AXL: variants seen among roughly 807,000 people sequenced by gnomAD.
AXL encodes the protein tyrosine-protein kinase receptor UFO.
A neutral mutation model predicts 104.5 loss-of-function variants in AXL; 52 were observed. The observed-to-expected ratio is 0.50, with a 90% CI of 0.40 to 0.63. The LOEUF (loss-of-function observed/expected upper bound fraction) is 0.63. AXL is among the 20% of genes least tolerant of loss of function. The pLI is 0.00. For missense variants in AXL, 1,024 were observed against 1,188.5 expected, an observed-to-expected ratio of 0.86 and a Z score of 2.04; for synonymous variants, 455 against 473.7, an observed-to-expected ratio of 0.96 and a Z score of 0.51.
intron 1 of AXL, chr19:41,220,372 C>T (rs2033767133): frequency 4.6e-6 from 2 of 438,756 alleles, no homozygotes; most frequent in Non-Finnish European, 8.3e-6. Flanking sequence ...CTGGCCCTGC[C>T]AGGCAGTGCA....
intron 12 of AXL, among the ~76,000 whole-genome samples, chr19:41,246,519 T>A (rs543790398): frequency 6.7e-6 from 1 of 150,008 alleles, no homozygotes; most frequent in East Asian, 1.9e-4. Context: ...GTGGGCAACA[T>A]GGCAAAACCC....
chr19:41,258,914 A>T (rs537556469), intron 19 of AXL, among the ~76,000 whole-genome samples: 3 of 152,370 alleles, frequency 2.0e-5, no homozygotes, highest in African/African-American at 7.2e-5. Flanking sequence ...GGCTGCAGTC[A>T]TCTGAAGGTT....
At chr19:41,231,672 A>T (rs2033990969) in intron 6 of AXL, among the ~76,000 whole-genome samples, 1 of 152,190 alleles carries the variant, frequency 6.6e-6, no homozygotes, top group Non-Finnish European at 1.5e-5. Flanking sequence ...CACACCTGTA[A>T]TCCCAGCACT....
chr19:41,242,758 C>A, intron 10 of AXL, 125 bp from the exon 11 acceptor site: 3 of 1,247,316 alleles, frequency 2.4e-6, no homozygotes, highest in East Asian at 2.3e-5. Context: ...ATCCATCACA[C>A]ACCTCATCAA....
chr19:41,239,800 C>A, intron 10 of AXL, 80 bp downstream of exon 10: 2 of 1,549,246 alleles, frequency 1.3e-6, no homozygotes, highest in Non-Finnish European at 1.8e-6. Flanking sequence ...ATACTCATTG[C>A]ACATCCCTTT....
chr19:41,230,163 GTGTC>G (rs1288490548), intron 4 of AXL, among the ~76,000 whole-genome samples: 2 of 151,818 alleles, frequency 1.3e-5, no homozygotes, highest in Non-Finnish European at 2.9e-5. Flanking sequence ...TTCTGTGTCT[GTGTC>G]TGTGTCTGTG....
chr19:41,230,964 T>G lies in AXL; in HGVS notation c.587-3T>G. ...TGGACCCTTCCCTCATATGACTCCC[T>G]AGGGCTGAACAAGACATCCTCTTTC... On this transcript the variant is annotated splice_region_variant and splice_polypyrimidine_tract_variant and intron_variant, in intron 4 of 19. Coordinates refer to ENST00000301178, the MANE Select transcript of AXL (RefSeq NM_021913.5). The G allele has an allele frequency of 6.2e-7, 1 of 1,613,726 alleles. No individual in the cohort carries two copies. Among genetic ancestry groups the G allele is most frequent in the Non-Finnish European group, 8.5e-7 (1 of 1,179,810 alleles).
At chr19:41,255,302 CTTTCTTTCTTTTTCTTTCT>C (rs2034434784) in intron 17 of AXL, among the ~76,000 whole-genome samples, 1 of 151,682 alleles carries the variant, frequency 6.6e-6, no homozygotes, top group Non-Finnish European at 1.5e-5. Context: ...CTTTTTTTCT[CTTTCTTTCTTTTTCTTTCT>C]TTTCTTTCTT....
chr19:41,240,526 T>C (rs1383412448), intron 10 of AXL, among the ~76,000 whole-genome samples: 1 of 152,060 alleles, frequency 6.6e-6, no homozygotes, highest in Non-Finnish European at 1.5e-5. Context: ...CCCTCTCAAA[T>C]ATTTCTCTAA....
chr19:41,230,856 G>T, intron 4 of AXL, 111 bp from the exon 5 acceptor site: 1 of 1,100,930 alleles, frequency 9.1e-7, no homozygotes, highest in South Asian at 1.3e-5. Flanking sequence ...GTGCCTGTGT[G>T]GGCTGCACTG....
At chr19:41,237,699 C>T (rs1175083492) in intron 6 of AXL, among the ~76,000 whole-genome samples, 1 of 152,202 alleles carries the variant, frequency 6.6e-6, no homozygotes, top group Non-Finnish European at 1.5e-5. Flanking sequence ...AAAACTGAGG[C>T]TCAGAGAGGG....
rs760727969 is a variant in AXL, at chr19:41,231,304, A to G, written c.783+6A>G. 5.6e-6 allele frequency: 9 copies of G among 1,607,328 alleles called. No individual in the cohort carries two copies. Among genetic ancestry groups the G allele is most frequent in the Non-Finnish European group, 6.8e-6 (8 of 1,176,138 alleles). On this transcript the variant is annotated splice_donor_region_variant and intron_variant, in intron 6 of 19. Transcript: ENST00000301178. ...TGACCCACTGCACCCTGCAGGTGAG[A>G]CTCCCAAACTTGGTTCATTTCAGTC...
intron 19 of AXL, among the ~76,000 whole-genome samples, chr19:41,258,451 C>T (rs1018781267): frequency 6.6e-6 from 1 of 152,216 alleles, no homozygotes; most frequent in African/African-American, 2.4e-5. Flanking sequence ...ACTTGAGTCT[C>T]GCTCTGTCGC....
chr19:41,243,630 C>T lies in AXL; in HGVS notation c.1460C>T (p.Pro487Leu), dbSNP rs773912722. 2.5e-6 allele frequency: 4 copies of T among 1,613,996 alleles called. No individual in the cohort carries two copies. The highest frequency in any genetic ancestry group is 3.4e-6 in the Non-Finnish European group (4 of 1,179,968). ...KETRYGEVFE[P>L]TVERGELVVR... ...CTCCCCCCCAGAGAAGTGTTTGAACCAACAGTGGAAAGAGGTGAACTGGTA... is the reference window on the plus strand; with the variant it reads ...CTCCCCCCCAGAGAAGTGTTTGAACTAACAGTGGAAAGAGGTGAACTGGTA... The change falls in exon 12 of 20, where the codon CCA (proline) becomes CTA (leucine). Residue 487 changes from proline (P) to leucine (L), a missense_variant. By Grantham distance (98) the Pro-to-Leu change is moderately conservative. Coordinates refer to ENST00000301178, the MANE Select transcript of AXL (RefSeq NM_021913.5).
intron 11 of AXL, 145 bp from the exon 12 acceptor site, chr19:41,243,471 G>A (rs2034217998): frequency 2.8e-6 from 2 of 723,498 alleles, no homozygotes; most frequent in Non-Finnish European, 5.0e-6. Flanking sequence ...GAAGGCAGAA[G>A]GTAGCTGCCC....
chr19:41,259,560 T>G lies in AXL; in HGVS notation c.2341T>G (p.Leu781Val). Residue 781 changes from leucine to valine, a missense_variant, in exon 20 of 20, where the codon TTG becomes GTG. This residue lies in a region of AXL where 523 missense variants were observed against 636.0 expected (regional missense o/e 0.82). Transcript: ENST00000301178. ...PADCLDGLYA[L>V]MSRCWELNPQ... ...CTCATTTTGCTGCCCTAGGTATGCC[T>G]TGATGTCGCGGTGCTGGGAGCTAAA... 1 of 1,601,362 alleles carries G rather than the reference T, an allele frequency of 6.2e-7. No homozygotes were observed. The highest frequency in any genetic ancestry group is 2.2e-5 in the East Asian group (1 of 44,798).
chr19:41,222,192 C>A, intron 4 of AXL, 136 bp downstream of exon 4: 1 of 1,002,856 alleles, frequency 1.0e-6, no homozygotes, highest in Non-Finnish European at 1.4e-6. Context: ...CTCGTTTCTC[C>A]CTCTGAGTCT....
At position 41,227,633 on chromosome 19, in the gene AXL, G is replaced by C. The variant is rs374249055; in HGVS notation, c.587-3334G>C. Among the ~76,000 whole-genome samples, 123 of 151,908 alleles carry C rather than the reference G, an allele frequency of 8.1e-4. 1 individual carries two copies. The highest frequency in any genetic ancestry group is 2.9e-3 in the African/African-American group (119 of 41,422). The stretch of plus-strand genomic sequence containing the variant: ...CCCGAGTAGCTGGGATTACAGGCAC[G>C]CGCCACCATGCCCGGCTGATTTTTT... On this transcript the variant is annotated intron_variant, in intron 4 of 19. Transcript: ENST00000301178.
At chr19:41,231,913 C>G (rs893920042) in intron 6 of AXL, among the ~76,000 whole-genome samples, 4 of 141,980 alleles carry the variant, frequency 2.8e-5, no homozygotes, top group Non-Finnish European at 6.0e-5. Flanking sequence ...GGTGACAGAG[C>G]GAGACTCTGT....
Sources: allele counts gnomAD v4.1 joint callset (sites outside exome capture counted in the v4.1 genomes callset), GRCh38; gene constraint gnomAD v4.1.1; regional missense constraint gnomAD v4.1.1; transcripts MANE v1.5; gene names NCBI Gene and HGNC (gene_info 2026-07-23, HGNC 2026-07-21).